The following LTBP1 variants were observed in gnomAD, a reference collection of about 807,000 sequenced individuals.
LTBP1 encodes the protein latent-transforming growth factor beta-binding protein 1.
A neutral mutation model predicts 207.6 loss-of-function variants in LTBP1; 129 were observed. The ratio of observed to expected loss-of-function variants is 0.62; its 90% CI spans 0.54 to 0.72. LTBP1 has a LOEUF of 0.72. Ranked by LOEUF, LTBP1 falls within the 30% of genes least tolerant of loss-of-function variation. The pLI is 0.00. For synonymous variants in LTBP1, 963 were observed against 833.7 expected (o/e 1.16, Z -2.67); for missense variants, 2,281 against 2,217.2 (o/e 1.03, Z -0.58).
chr2:32,948,307 G>A (rs1311540316), intron 1 of LTBP1, among the ~76,000 whole-genome samples: 1 of 152,322 alleles, frequency 6.6e-6, no homozygotes, highest in South Asian at 2.1e-4. Context: ...GGACTTCGCT[G>A]CACCTGTGGG....
At chr2:32,977,147 G>T (rs1214802812) in intron 2 of LTBP1, among the ~76,000 whole-genome samples, 2 of 152,256 alleles carry the variant, frequency 1.3e-5, no homozygotes, top group African/African-American at 4.8e-5. Flanking sequence ...AGCAGGCATG[G>T]CCTGCCTGGC....
chr2:32,962,472 A>G (rs1679280654), intron 2 of LTBP1, among the ~76,000 whole-genome samples: 1 of 152,214 alleles, frequency 6.6e-6, no homozygotes, highest in Non-Finnish European at 1.5e-5. Context: ...ATTGGCCTAC[A>G]CAGCGGTTCT....
intron 5 of LTBP1, among the ~76,000 whole-genome samples, chr2:33,137,261 A>G (rs1159277713): frequency 6.6e-6 from 1 of 152,178 alleles, no homozygotes; most frequent in Admixed American, 6.5e-5. Context: ...GTACTTGTTT[A>G]TAGAATACTA....
chr2:33,221,991 C>T (rs1031066968), intron 8 of LTBP1, 89 bp from the exon 9 acceptor site: 3 of 825,808 alleles, frequency 3.6e-6, no homozygotes, highest in East Asian at 2.5e-5. Context: ...AGTAAGTTTG[C>T]TGATGCCTTA....
chr2:33,016,275 T>G (rs1308419302), intron 2 of LTBP1, among the ~76,000 whole-genome samples: 1 of 151,992 alleles, frequency 6.6e-6, no homozygotes, highest in African/African-American at 2.4e-5. Flanking sequence ...GGGGTTTGGG[T>G]TAGATGTAGA....
chr2:33,380,904 A>T (rs146053102), intron 31 of LTBP1, among the ~76,000 whole-genome samples: 112 of 152,316 alleles, frequency 7.4e-4, no homozygotes, highest in African/African-American at 2.4e-3. Context: ...GAAGAAAAAA[A>T]GTTCTTTGTA....
chr2:33,169,001 G>T (rs563149318), intron 5 of LTBP1, among the ~76,000 whole-genome samples: 12 of 152,288 alleles, frequency 7.9e-5, no homozygotes, highest in East Asian at 5.8e-4. Context: ...GCAGAGTTAG[G>T]GGGGAGCCAT....
intron 5 of LTBP1, among the ~76,000 whole-genome samples, chr2:33,167,361 C>CAA (rs80088509): frequency 8.0e-5 from 9 of 112,900 alleles, no homozygotes; most frequent in African/African-American, 1.3e-4. Context: ...TTTGTACATT[C>CAA]AAAAAAAAAA....
At chr2:32,978,494 A>T (rs150214289) in intron 2 of LTBP1, among the ~76,000 whole-genome samples, 2,444 of 152,090 alleles carry the variant, frequency 0.016, 25 homozygotes, top group Middle Eastern at 0.044. Flanking sequence ...TGTTGATATG[A>T]TGTATCACAT....
chr2:33,291,689 C>T (rs2093777637), intron 19 of LTBP1: 1 of 152,222 alleles, frequency 6.6e-6, no homozygotes, highest in Non-Finnish European at 1.5e-5. Context: ...AGTGCCATTT[C>T]CTTGGCTCTT....
At position 33,134,315 on chromosome 2, in the gene LTBP1, C is replaced by T. The variant is rs944689804; in HGVS notation, c.1034-478C>T. On this transcript the variant is annotated intron_variant, in intron 4 of 33. Coordinates refer to ENST00000404816, the MANE Select transcript of LTBP1 (RefSeq NM_206943.4). This position sits in a 1 kb window ranked among gnomAD's most constrained non-coding sequence, Gnocchi z 4.4. ...GCATGCCTAAAACATTTCCAGGGGTCGGGCTGCAAATAGTGACTTAATAAG... is the reference window on the plus strand; with the variant it reads ...GCATGCCTAAAACATTTCCAGGGGTTGGGCTGCAAATAGTGACTTAATAAG... 2.4e-5 allele frequency: 10 copies of T among 411,222 alleles called. No homozygotes were observed. The highest frequency in any genetic ancestry group is 1.6e-4 in the Admixed American group (6 of 36,550). The allele number at this position is 411,222 out of a possible 1,614,324, so 25.5% of individuals were successfully genotyped here. A position where few individuals can be genotyped will look rare whatever the true frequency, so the allele number is the denominator to read the frequency against.
intron 5 of LTBP1, among the ~76,000 whole-genome samples, chr2:33,172,466 T>C (rs946989963): frequency 1.3e-5 from 2 of 152,178 alleles, no homozygotes; most frequent in East Asian, 1.9e-4. Context: ...ATCCTAAATA[T>C]ATATGCACCA....
At chr2:33,299,752 C>T (rs780594778) in intron 20 of LTBP1, among the ~76,000 whole-genome samples, 6 of 152,184 alleles carry the variant, frequency 3.9e-5, no homozygotes, top group Non-Finnish European at 8.8e-5. Context: ...ATTGATGAAG[C>T]CAGTCCTTTG....
In LTBP1 at chr2:33,270,842, G is replaced by A. The variant is rs116089116; in HGVS notation, c.2618-2814G>A. On this transcript the variant is annotated intron_variant, in intron 15 of 33. Coordinates refer to ENST00000404816, the MANE Select transcript of LTBP1 (RefSeq NM_206943.4). Reference sequence around the variant, plus strand: ...GACATGTTCAGCGTTTGCAAGCCACGTCTCTATATACTTATGTATGAGGTA... The same window carrying A: ...GACATGTTCAGCGTTTGCAAGCCACATCTCTATATACTTATGTATGAGGTA... Among the ~76,000 whole-genome samples, 555 of 152,178 alleles carry A rather than the reference G, an allele frequency of 3.6e-3. 3 individuals carry two copies. Among genetic ancestry groups the A allele is most frequent in the African/African-American group, 0.012 (513 of 41,514 alleles).
chr2:33,014,745 C>A (rs773107186), intron 2 of LTBP1, among the ~76,000 whole-genome samples: 2 of 152,210 alleles, frequency 1.3e-5, no homozygotes, highest in Non-Finnish European at 2.9e-5. Context: ...ACTCTAGGAT[C>A]AGCTTGTCAA....
At chr2:33,253,352 G>T (rs943192455) in intron 11 of LTBP1, among the ~76,000 whole-genome samples, 2 of 152,172 alleles carry the variant, frequency 1.3e-5, no homozygotes, top group African/African-American at 4.8e-5. Flanking sequence ...CAAAACTCCT[G>T]AAAACTTCTG....
intron 2 of LTBP1, among the ~76,000 whole-genome samples, chr2:33,011,373 C>G (rs1299256757): frequency 6.6e-6 from 1 of 152,042 alleles, no homozygotes; most frequent in Non-Finnish European, 1.5e-5. Context: ...AAGTCCTAAT[C>G]CCCAGTATCT....
intron 7 of LTBP1, among the ~76,000 whole-genome samples, chr2:33,212,457 G>A (rs2090384405): frequency 6.6e-6 from 1 of 152,174 alleles, no homozygotes; most frequent in African/African-American, 2.4e-5. Flanking sequence ...CTTGAGTTTT[G>A]CTGTGGTGTG....
At chr2:33,092,567 T>A (rs894993865) in intron 3 of LTBP1, among the ~76,000 whole-genome samples, 3 of 152,232 alleles carry the variant, frequency 2.0e-5, no homozygotes, top group Non-Finnish European at 2.9e-5. Flanking sequence ...TCTCTCATCA[T>A]CTGTATTATA....
Sources: gnomAD v4.1 joint callset for allele counts (sites outside exome capture counted in the v4.1 genomes callset) on GRCh38, gnomAD v4.1.1 for gene constraint, Gnocchi (gnomAD v3.1) non-coding constraint, MANE v1.5 for transcripts, NCBI Gene and HGNC (gene_info 2026-07-23, HGNC 2026-07-21) for gene names.